PAK5: variants seen among roughly 807,000 people sequenced by gnomAD.
The protein encoded by PAK5 is serine/threonine-protein kinase PAK 5.
In PAK5, 16 loss-of-function variants were observed where a neutral mutation model predicts 65.9. The ratio of observed to expected loss-of-function variants is 0.24; its 90% CI spans 0.16 to 0.37. The LOEUF (loss-of-function observed/expected upper bound fraction) is 0.37, where lower values mean the gene tolerates loss of function less well. Among genes scored for constraint, PAK5 ranks in the 10% least tolerant of loss-of-function variants. The pLI is 1.00. For missense variants in PAK5, 785 were observed against 903.9 expected, an observed-to-expected ratio of 0.87 and a Z score of 1.69; for synonymous variants, 371 against 354.9, an observed-to-expected ratio of 1.05 and a Z score of -0.51.
At chr20:9,612,924 T>C (rs1318112125) in intron 3 of PAK5, among the ~76,000 whole-genome samples, 1 of 152,140 alleles carries the variant, frequency 6.6e-6, no homozygotes, top group Non-Finnish European at 1.5e-5. Context: ...TACAATCTAT[T>C]AAAAATAGAC....
At chr20:9,718,422 C>A (rs1035865437) in intron 1 of PAK5, among the ~76,000 whole-genome samples, 1 of 152,028 alleles carries the variant, frequency 6.6e-6, no homozygotes, top group East Asian at 1.9e-4. Flanking sequence ...TTCCTTGTAC[C>A]CAGAGATGCA....
At chr20:9,600,753 A>T (rs1317537926) in intron 3 of PAK5, among the ~76,000 whole-genome samples, 1 of 152,198 alleles carries the variant, frequency 6.6e-6, no homozygotes, top group Non-Finnish European at 1.5e-5. Flanking sequence ...TTCCCTGCAG[A>T]GTCTTCCACT....
intron 1 of PAK5, among the ~76,000 whole-genome samples, chr20:9,765,367 A>T (rs2048745125): frequency 1.3e-5 from 2 of 152,200 alleles, no homozygotes; most frequent in Admixed American, 1.3e-4. Context: ...TAATTTATTC[A>T]TAGTAGTAAC....
At chr20:9,802,577 T>G (rs929838172) in intron 1 of PAK5, among the ~76,000 whole-genome samples, 1 of 152,118 alleles carries the variant, frequency 6.6e-6, no homozygotes, top group African/African-American at 2.4e-5. Flanking sequence ...GTTTTGATTT[T>G]TTATTGTTTT....
chr20:9,697,347 C>T (rs2047882620), intron 2 of PAK5, among the ~76,000 whole-genome samples: 1 of 152,062 alleles, frequency 6.6e-6, no homozygotes, highest in South Asian at 2.1e-4. Context: ...CCCCTCTACA[C>T]ACAACCATGG....
chr20:9,796,879 A>T (rs2049110912), intron 1 of PAK5, among the ~76,000 whole-genome samples: 1 of 152,162 alleles, frequency 6.6e-6, no homozygotes, highest in Admixed American at 6.6e-5. Flanking sequence ...AAGGAGCATG[A>T]TTTATATTCC....
chr20:9,629,514 G>T (rs779083330), intron 3 of PAK5, among the ~76,000 whole-genome samples: 1 of 40,222 alleles, frequency 2.5e-5, no homozygotes, highest in Admixed American at 3.6e-4. Context: ...TACACACAGG[G>T]TCTTGCTATG....
At chr20:9,782,487 G>A (rs548647106) in intron 1 of PAK5, among the ~76,000 whole-genome samples, 7 of 152,054 alleles carry the variant, frequency 4.6e-5, no homozygotes, top group Non-Finnish European at 1.0e-4. Context: ...TTGATGTCAG[G>A]GATATTAAAA....
intron 2 of PAK5, among the ~76,000 whole-genome samples, chr20:9,692,213 T>A (rs2047807364): frequency 6.6e-6 from 1 of 152,244 alleles, no homozygotes; most frequent in South Asian, 2.1e-4. Context: ...TTCATCAGTA[T>A]CGCTTCTAAC....
intron 3 of PAK5, among the ~76,000 whole-genome samples, chr20:9,630,817 G>C (rs1330253479): frequency 6.6e-6 from 1 of 152,124 alleles, no homozygotes. Flanking sequence ...GAAGAGTCAC[G>C]GACCAGTAAT....
chr20:9,659,548 C>T (rs575786821), intron 2 of PAK5, among the ~76,000 whole-genome samples: 1 of 152,184 alleles, frequency 6.6e-6, no homozygotes, highest in South Asian at 2.1e-4. Flanking sequence ...GTCAAGCTGT[C>T]CACTTTTAAT....
chr20:9,799,939 C>CAAAAAAAA (rs71331383), intron 1 of PAK5, among the ~76,000 whole-genome samples: 1 of 43,662 alleles, frequency 2.3e-5, no homozygotes, highest in African/African-American at 7.2e-5. Context: ...ACTCTGTCTC[C>CAAAAAAAA]AAAAAAAAAA....
intron 1 of PAK5, among the ~76,000 whole-genome samples, chr20:9,771,582 AT>A (rs545140358): frequency 0.33 from 36,296 of 109,772 alleles, 5,145 homozygotes; most frequent in Middle Eastern, 0.46. Context: ...CAATTTTTTA[AT>A]TTTTTTTTTT....
chr20:9,810,630 T>C (rs886624769), intron 1 of PAK5, among the ~76,000 whole-genome samples: 3 of 152,184 alleles, frequency 2.0e-5, no homozygotes, highest in African/African-American at 7.2e-5. Flanking sequence ...ATTTCTTAAG[T>C]GTGATGCCAA....
At chr20:9,637,159 C>T (rs940103112) in intron 3 of PAK5, among the ~76,000 whole-genome samples, 2 of 152,082 alleles carry the variant, frequency 1.3e-5, no homozygotes, top group Non-Finnish European at 2.9e-5. Flanking sequence ...CACCAGCATG[C>T]CTGGCTAATA....
chr20:9,675,220 A>T (rs2047553585), intron 2 of PAK5, among the ~76,000 whole-genome samples: 1 of 152,214 alleles, frequency 6.6e-6, no homozygotes, highest in Non-Finnish European at 1.5e-5. Context: ...GAGAAGAGTT[A>T]AAAAATGACA....
intron 3 of PAK5, among the ~76,000 whole-genome samples, chr20:9,583,899 C>A (rs1210200164): frequency 6.6e-6 from 1 of 152,214 alleles, no homozygotes; most frequent in African/African-American, 2.4e-5. Flanking sequence ...AGCTTGACTT[C>A]TTTCACTGAG....
chr20:9,702,739 A>G (rs1160167893), intron 2 of PAK5, among the ~76,000 whole-genome samples: 2 of 152,108 alleles, frequency 1.3e-5, no homozygotes, highest in Non-Finnish European at 2.9e-5. Context: ...CCACTGTTAG[A>G]TCCCTGTGGC....
chr20:9,644,121 A>G lies in PAK5; in HGVS notation c.204+4T>C. On this transcript the variant is annotated splice_donor_region_variant and intron_variant, in intron 3 of 9. Transcript: ENST00000353224. ...CCCAGCCAAAGATGGAGCCCTCACC[A>G]TACCTTCATAGGAGCCAGCTGGATG... 1 of 1,612,152 alleles carries G rather than the reference A, an allele frequency of 6.2e-7. No homozygotes were observed. The highest frequency in any genetic ancestry group is 8.5e-7 in the Non-Finnish European group (1 of 1,178,268).
Sources: allele counts gnomAD v4.1 joint callset (sites outside exome capture counted in the v4.1 genomes callset), GRCh38; gene constraint gnomAD v4.1.1; transcripts MANE v1.5; gene names NCBI Gene and HGNC (gene_info 2026-07-23, HGNC 2026-07-21).